The following CEP192 variants were observed in gnomAD, a reference collection of about 807,000 sequenced individuals.
The protein encoded by CEP192 is centrosomal protein of 192 kDa.
A neutral mutation model predicts 271.8 loss-of-function variants in CEP192; 151 were observed. The ratio of observed to expected loss-of-function variants is 0.56; its 90% CI spans 0.49 to 0.64. CEP192 has a LOEUF of 0.64. Ranked by LOEUF, CEP192 falls within the 30% of genes least tolerant of loss-of-function variation. The pLI, the probability that CEP192 is intolerant of heterozygous loss-of-function variation, is 0.00. For missense variants in CEP192, 2,910 were observed against 3,020.5 expected (o/e 0.96, Z 0.86); for synonymous variants, 995 against 1,076.5 (o/e 0.92, Z 1.48).
chr18:13,042,268 A>G lies in CEP192; in HGVS notation c.2001A>G (p.Ala667=), dbSNP rs370980073. Residue 667 remains alanine (A), a synonymous_variant, in exon 15 of 45, where the codon GCA becomes GCG. Transcript: ENST00000506447. ...SEGSITLQVE[A]VESTSQVDEN... is the part of the protein sequence containing the mutation. ...GATCAATTACACTTCAGGTTGAAGC[A>G]GTAGAGAGTACTTCACAAGTGGATG... is the stretch of plus-strand genomic sequence containing the variant. 1.9e-6 allele frequency: 3 copies of G among 1,613,772 alleles called. No homozygotes were observed. The highest frequency in any genetic ancestry group is 8.5e-7 in the Non-Finnish European group (1 of 1,179,660).
chr18:13,055,652 A>C (rs950464775), intron 18 of CEP192, 128 bp from the exon 19 acceptor site: 39 of 613,452 alleles, frequency 6.4e-5, no homozygotes, highest in Non-Finnish European at 1.6e-5. Context: ...ATTTTTGTGT[A>C]AACCAATTTT....
chr18:13,097,451 C>T (rs113352477), intron 36 of CEP192, among the ~76,000 whole-genome samples: 14 of 152,184 alleles, frequency 9.2e-5, no homozygotes, highest in African/African-American at 2.6e-4. Context: ...TCCATCTCCC[C>T]GACCCTTTTT....
At chr18:13,033,643 C>G (rs748444858) in intron 11 of CEP192, among the ~76,000 whole-genome samples, 38 of 152,204 alleles carry the variant, frequency 2.5e-4, no homozygotes, top group Middle Eastern at 3.4e-3. Flanking sequence ...TCTGTGATAA[C>G]AACGTTAGAA....
intron 30 of CEP192, among the ~76,000 whole-genome samples, chr18:13,075,288 C>T (rs1477179853): frequency 1.3e-5 from 2 of 149,174 alleles, no homozygotes; most frequent in East Asian, 2.1e-4. Flanking sequence ...GCAGCCCGGC[C>T]GGGTGCGGTG....
rs570438245 is a variant in CEP192 at position 13,060,597 on chromosome 18, ACAT to A, written c.4488+1289_4488+1291del. 2.3e-3 allele frequency among the ~76,000 whole-genome samples: 349 copies of A among 152,310 alleles called. 4 individuals are homozygous for A. Among genetic ancestry groups the A allele is most frequent in the African/African-American group, 8.1e-3 (335 of 41,570 alleles). ...TGTATACAGTCCATCATTGACCAAA[ACAT>A]CATTATGTAGCATGTGACTTTAATT... is the stretch of plus-strand genomic sequence containing the variant. On this transcript the variant is annotated intron_variant, in intron 21 of 44. Coordinates refer to ENST00000506447, the MANE Select transcript of CEP192 (RefSeq NM_032142.4).
intron 32 of CEP192, chr18:13,088,797 C>T: frequency 3.3e-6 from 1 of 298,744 alleles, no homozygotes; most frequent in South Asian, 2.8e-5. Context: ...TGGCGACTTG[C>T]TACATGATGT....
chr18:13,014,161 C>A (rs905078875), intron 5 of CEP192, among the ~76,000 whole-genome samples: 6 of 152,024 alleles, frequency 3.9e-5, no homozygotes, highest in South Asian at 2.1e-4. Context: ...TGTATGTGAC[C>A]CCTAGTAAGT....
intron 38 of CEP192, among the ~76,000 whole-genome samples, chr18:13,101,184 C>G (rs1037678101): frequency 1.2e-4 from 18 of 152,186 alleles, no homozygotes; most frequent in African/African-American, 4.1e-4. Context: ...CAAGGGTGAA[C>G]AGCTGATACT....
In CEP192 at chr18:13,097,985, C is replaced by G. The variant is rs942237548; in HGVS notation, c.6558-1491C>G. 4.6e-5 allele frequency among the ~76,000 whole-genome samples: 7 copies of G among 152,156 alleles called. No homozygotes were observed. In the East Asian group the frequency reaches 1.4e-3, roughly 29 times the overall value. On this transcript the variant is annotated intron_variant, in intron 36 of 44. Coordinates refer to ENST00000506447, the MANE Select transcript of CEP192 (RefSeq NM_032142.4). Reference sequence around the variant, plus strand: ...GGTAAGGTCATAGATCAACAGGATCCCAAGGCAGAAGAATTTTTCTTAGTA... The same window carrying G: ...GGTAAGGTCATAGATCAACAGGATCGCAAGGCAGAAGAATTTTTCTTAGTA...
At chr18:13,002,327 CA>C (rs1339876091) in intron 3 of CEP192, among the ~76,000 whole-genome samples, 3 of 151,452 alleles carry the variant, frequency 2.0e-5, no homozygotes, top group Non-Finnish European at 4.4e-5. Flanking sequence ...TTCTATTACA[CA>C]AAAAATTAGA....
At chr18:13,092,259 C>A in intron 33 of CEP192, 118 bp from the exon 34 acceptor site, 1 of 662,664 alleles carries the variant, frequency 1.5e-6, no homozygotes, top group Non-Finnish European at 2.4e-6. Flanking sequence ...ATCCAAATGT[C>A]ACCTCCCCCA....
At chr18:13,018,705 G>A in intron 8 of CEP192, 90 bp downstream of exon 8, 1 of 954,542 alleles carries the variant, frequency 1.0e-6, no homozygotes, top group Non-Finnish European at 1.5e-6. Flanking sequence ...GTATGATTTA[G>A]CATATATTAA....
At chr18:13,113,754 CAG>C (rs1568439467) in intron 41 of CEP192, 49 bp downstream of exon 41, 5 of 1,510,816 alleles carry the variant, frequency 3.3e-6, no homozygotes, top group Non-Finnish European at 8.9e-7. Flanking sequence ...ATTTTAAAAA[CAG>C]AAAGGGAAAT....
At chr18:13,075,405 A>G (rs185624166) in intron 30 of CEP192, among the ~76,000 whole-genome samples, 1 of 152,232 alleles carries the variant, frequency 6.6e-6, no homozygotes, top group Admixed American at 6.5e-5. Flanking sequence ...ATCTCTACTA[A>G]ACATACAAAA....
Position 13,029,743 on chromosome 18 carries a change from A to G in CEP192, c.1131A>G (p.Ala377=), listed in dbSNP as rs1337730015. 4.5e-6 allele frequency: 7 copies of G among 1,551,654 alleles called. No homozygotes were observed. Among genetic ancestry groups the G allele is most frequent in the Non-Finnish European group, 6.1e-6 (7 of 1,146,938 alleles). The change falls in exon 10 of 45, where the codon GCA becomes GCG. Residue 377 remains alanine (A), a synonymous_variant. Transcript: ENST00000506447. The part of the protein sequence containing the change: ...VKLNSDNFHD[A]NANRGGFDLT... Reference sequence around the variant, plus strand: ...TTAACTCTGATAATTTTCATGATGCAAATGCCAATAGAGGTGGTTTTGATC... The same window carrying G: ...TTAACTCTGATAATTTTCATGATGCGAATGCCAATAGAGGTGGTTTTGATC...
intron 29 of CEP192, 46 bp from the exon 30 acceptor site, chr18:13,072,963 T>A: frequency 6.4e-7 from 1 of 1,573,564 alleles, no homozygotes; most frequent in Non-Finnish European, 8.7e-7. Context: ...ATGTTTTATT[T>A]GTGCTACTGC....
chr18:13,102,308 G>C (rs924218337), intron 38 of CEP192, among the ~76,000 whole-genome samples: 1 of 151,914 alleles, frequency 6.6e-6, no homozygotes, highest in African/African-American at 2.4e-5. Flanking sequence ...CTGGAACCAG[G>C]CCTGTCCATT....
intron 26 of CEP192, 116 bp from the exon 27 acceptor site, chr18:13,069,622 A>G (rs1291209157): frequency 5.8e-6 from 4 of 686,560 alleles, no homozygotes; most frequent in Admixed American, 2.3e-5. Context: ...GACAGACAAG[A>G]AGGGGACAAA....
intron 14 of CEP192, among the ~76,000 whole-genome samples, chr18:13,041,276 A>T (rs1237178429): frequency 6.6e-6 from 1 of 152,190 alleles, no homozygotes. Context: ...GATGACTTTT[A>T]AAGAGATGTT....
Sources: allele counts gnomAD v4.1 joint callset (sites outside exome capture counted in the v4.1 genomes callset), GRCh38; gene constraint gnomAD v4.1.1; transcripts MANE v1.5; gene names NCBI Gene and HGNC (gene_info 2026-07-23, HGNC 2026-07-21).